APBB2: variants seen among roughly 807,000 people sequenced by gnomAD.
APBB2 encodes amyloid beta precursor protein binding family B member 2.
APBB2 carries 38 observed loss-of-function variants against 82.5 expected under a neutral mutation model. That is an observed-to-expected ratio of 0.46 (90% CI 0.36 to 0.60). APBB2 has a LOEUF of 0.60. Ranked by LOEUF, APBB2 falls within the 20% of genes least tolerant of loss-of-function variation. The pLI, the probability that APBB2 is intolerant of heterozygous loss-of-function variation, is 0.00. For missense variants in APBB2, 772 were observed against 972.3 expected, an observed-to-expected ratio of 0.79 and a Z score of 2.74; for synonymous variants, 341 against 368.2, an observed-to-expected ratio of 0.93 and a Z score of 0.85.
At chr4:41,026,327 C>G (rs1474725484) in intron 5 of APBB2, among the ~76,000 whole-genome samples, 1 of 152,060 alleles carries the variant, frequency 6.6e-6, no homozygotes, top group Non-Finnish European at 1.5e-5. Flanking sequence ...TACCCCTGAA[C>G]CTAAAAGTTA....
At chr4:40,888,063 C>A (rs966356998) in intron 12 of APBB2, among the ~76,000 whole-genome samples, 1 of 152,218 alleles carries the variant, frequency 6.6e-6, no homozygotes, top group African/African-American at 2.4e-5. Flanking sequence ...CCTCTCCGAC[C>A]TCCACTGTCT....
rs1745559408 is a variant in APBB2 at position 40,816,172 on chromosome 4, C to T, written c.2200G>A (p.Val734Ile). Reference sequence around the variant, plus strand: ...ACCCCTCGTTTTACATTGGTTGTGACTCTTCTGGTTACTGAATCTGCTGGC... The same window carrying T: ...ACCCCTCGTTTTACATTGGTTGTGATTCTTCTGGTTACTGAATCTGCTGGC... ...PPPADSVTRR[V>I]TTNVKRGVLS... is the part of the protein sequence containing the mutation. The change falls in exon 18 of 18, where the codon GTC (valine) becomes ATC (isoleucine). Residue 734 changes from valine (V) to isoleucine (I), a missense_variant. Physicochemically the swap from Val to Ile is conservative, Grantham distance 29 (BLOSUM62 3). Transcript: ENST00000508593. The T allele has an allele frequency of 1.2e-6, 2 of 1,614,088 alleles. No individual in the cohort carries two copies. Among genetic ancestry groups the T allele is most frequent in the Non-Finnish European group, 1.7e-6 (2 of 1,180,054 alleles).
intron 1 of APBB2, among the ~76,000 whole-genome samples, chr4:41,165,201 AG>A (rs144044522): frequency 0.14 from 21,345 of 152,230 alleles, 2,556 homozygotes; most frequent in African/African-American, 0.33. Context: ...CGGTGTAGCA[AG>A]TCACTTAACT....
chr4:41,009,010 T>A (rs533176673), intron 6 of APBB2, among the ~76,000 whole-genome samples: 1 of 152,340 alleles, frequency 6.6e-6, no homozygotes, highest in South Asian at 2.1e-4. Flanking sequence ...GTGTCTTCAA[T>A]TTTATTAAAT....
chr4:40,842,703 C>T (rs147215685), intron 12 of APBB2, among the ~76,000 whole-genome samples: 40 of 152,266 alleles, frequency 2.6e-4, no homozygotes, highest in South Asian at 1.2e-3. Flanking sequence ...TGGCAGAGGA[C>T]GTGTCTTCAT....
At chr4:40,864,683 G>A (rs890432273) in intron 12 of APBB2, among the ~76,000 whole-genome samples, 1 of 151,972 alleles carries the variant, frequency 6.6e-6, no homozygotes, top group Non-Finnish European at 1.5e-5. Flanking sequence ...CAAAGACTGC[G>A]GGCCATTCCC....
At chr4:40,939,433 A>C (rs1786267900) in intron 7 of APBB2, among the ~76,000 whole-genome samples, 1 of 152,172 alleles carries the variant, frequency 6.6e-6, no homozygotes, top group Non-Finnish European at 1.5e-5. Flanking sequence ...ACGAAAGAAA[A>C]AGCAGTTTGG....
At chr4:41,150,142 T>A (rs1421402979) in intron 1 of APBB2, among the ~76,000 whole-genome samples, 2 of 152,252 alleles carry the variant, frequency 1.3e-5, no homozygotes. Flanking sequence ...ACTGATTTAC[T>A]GTATTTTACT....
At chr4:41,141,815 A>G (rs1243590705) in intron 2 of APBB2, among the ~76,000 whole-genome samples, 1 of 152,182 alleles carries the variant, frequency 6.6e-6, no homozygotes. Flanking sequence ...AACAGATCTC[A>G]TAAGACTCAT....
intron 6 of APBB2, among the ~76,000 whole-genome samples, chr4:40,989,623 CT>C (rs1801462052): frequency 6.6e-6 from 1 of 151,986 alleles, no homozygotes; most frequent in African/African-American, 2.4e-5. Flanking sequence ...GTTATTTATT[CT>C]CTACTGTACT....
chr4:41,000,806 G>C lies in APBB2; in HGVS notation c.835+12777C>G, dbSNP rs973183669. On this transcript the variant is annotated intron_variant, in intron 6 of 17. Coordinates refer to ENST00000508593, the MANE Select transcript of APBB2 (RefSeq NM_004307.2). Reference sequence around the variant, plus strand: ...AGATGAAACGGCTTCTCTCTGATGTGTTCTGCATAGAGTCCATTCTCTAAC... The same window carrying C: ...AGATGAAACGGCTTCTCTCTGATGTCTTCTGCATAGAGTCCATTCTCTAAC... Among the ~76,000 whole-genome samples, 3 of 152,050 alleles carry C rather than the reference G, an allele frequency of 2.0e-5. No individual in the cohort carries two copies. In the East Asian group the frequency reaches 5.8e-4, roughly 29 times the overall value.
rs1764467373 is a variant in APBB2, at chr4:41,159,934, GAGGAGGAGGAGA to G, written c.-416-16804_-416-16793del. 6.9e-4 allele frequency among the ~76,000 whole-genome samples: 23 copies of G among 33,336 alleles called. 3 individuals carry two copies. Among genetic ancestry groups the G allele is most frequent in the African/African-American group, 2.2e-3 (22 of 10,102 alleles). 21.9% of individuals were successfully genotyped at this position (33,336 alleles called of 152,430 possible). A position where few individuals can be genotyped will look rare whatever the true frequency, so the allele number is the denominator to read the frequency against. ...GGAGGAGGAGGAGGAGGAGGAGGAG[GAGGAGGAGGAGA>G]AGGAGAAGGAGAAGGAGAAGAAGAA... On this transcript the variant is annotated intron_variant, in intron 1 of 17. Coordinates refer to ENST00000508593, the MANE Select transcript of APBB2 (RefSeq NM_004307.2).
rs753127681 is a variant in APBB2 at position 40,812,106 on chromosome 4, T to A, written c.*3986A>T. ...TGATCACCAAATAAGTACAGGGTGA[T>A]TACTCAAAATTTGAAGTTACTTCCT... On this transcript the variant is annotated 3_prime_UTR_variant, in exon 18 of 18. Transcript: ENST00000508593. 1.4e-4 allele frequency: 22 copies of A among 152,182 alleles called. No individual in the cohort carries two copies. The highest frequency in any genetic ancestry group is 2.6e-4 in the Non-Finnish European group (18 of 68,018). 9.4% of individuals were successfully genotyped at this position (152,182 alleles called of 1,614,324 possible).
chr4:41,031,336 C>T (rs763669254), intron 5 of APBB2, among the ~76,000 whole-genome samples: 1 of 152,172 alleles, frequency 6.6e-6, no homozygotes, highest in African/African-American at 2.4e-5. Context: ...GAAGGCAAAC[C>T]TTACCCCACT....
intron 4 of APBB2, among the ~76,000 whole-genome samples, chr4:41,062,022 G>A (rs975479462): frequency 1.3e-5 from 2 of 152,202 alleles, no homozygotes; most frequent in African/African-American, 4.8e-5. Context: ...TTCAGACACA[G>A]GCCTGGTGAG....
chr4:40,820,403 G>T (rs1314184928), intron 17 of APBB2, among the ~76,000 whole-genome samples: 2 of 152,160 alleles, frequency 1.3e-5, no homozygotes. Context: ...GGTGGCTCAT[G>T]CCGGTAATCC....
At chr4:41,185,332 T>C (rs984853140) in intron 1 of APBB2, among the ~76,000 whole-genome samples, 1 of 152,214 alleles carries the variant, frequency 6.6e-6, no homozygotes, top group African/African-American at 2.4e-5. Context: ...CAATGTGTAC[T>C]AAGTTTTCCT....
intron 1 of APBB2, among the ~76,000 whole-genome samples, chr4:41,161,411 A>G (rs557409605): frequency 1.1e-4 from 16 of 152,194 alleles, no homozygotes; most frequent in African/African-American, 3.9e-4. Flanking sequence ...GTTCAAGACT[A>G]GCCTGGGCAA....
At chr4:41,054,080 G>C (rs969356595) in intron 4 of APBB2, among the ~76,000 whole-genome samples, 22 of 152,294 alleles carry the variant, frequency 1.4e-4, no homozygotes, top group African/African-American at 5.3e-4. Context: ...TGCAGGTGTT[G>C]GCTTGAAAAC....
Sources: allele counts gnomAD v4.1 joint callset (sites outside exome capture counted in the v4.1 genomes callset), GRCh38; gene constraint gnomAD v4.1.1; transcripts MANE v1.5; gene names NCBI Gene and HGNC (gene_info 2026-07-23, HGNC 2026-07-21).